ABCA7: variants seen among roughly 807,000 people sequenced by gnomAD.
ABCA7 encodes phospholipid-transporting ATPase ABCA7.
Under a neutral mutation model 227.6 loss-of-function variants are expected in ABCA7, and 261 were observed. The ratio of observed to expected loss-of-function variants is 1.15; its 90% CI spans 1.04 to 1.27. The LOEUF (loss-of-function observed/expected upper bound fraction) is 1.27. ABCA7 is among the 50% of genes most tolerant of loss of function. ABCA7 has a pLI of 0.00. For missense variants in ABCA7, 3,331 were observed against 2,924.5 expected, an observed-to-expected ratio of 1.14 and a Z score of -3.21; for synonymous variants, 1,488 against 1,279.7, an observed-to-expected ratio of 1.16 and a Z score of -3.47.
rs145274467 is a variant in ABCA7 at position 1,043,184 on chromosome 19, C to A, written c.723C>A (p.Tyr241Ter). 3.1e-6 allele frequency: 5 copies of A among 1,610,198 alleles called. No homozygotes were observed. The highest frequency in any genetic ancestry group is 2.2e-5 in the East Asian group (1 of 44,796). The part of the protein sequence containing the change: ...SSTVGPSLNW[Y>*]EASDLMELVG... The stretch of plus-strand genomic sequence containing the variant: ...CAGTGGGCCCCTCCCTCAACTGGTA[C>A]GAGGCTAGTGACCTGATGGAGCTGG... Residue 241 changes from tyrosine (Y) to a stop codon, truncating the protein, a stop_gained, in exon 8 of 47, where the codon TAC becomes TAA. Transcript: ENST00000263094. LOFTEE classifies it high-confidence loss of function.
chr19:1,063,108 C>T (rs76478790), intron 42 of ABCA7, among the ~76,000 whole-genome samples: 10,091 of 65,466 alleles, frequency 0.15, 3,167 homozygotes, highest in Admixed American at 0.2. Flanking sequence ...ACCATGGCCC[C>T]GCCGCATACT....
chr19:1,047,276 G>A lies in ABCA7; in HGVS notation c.1965G>A (p.Leu655=), dbSNP rs758014283. 1.2e-6 allele frequency: 2 copies of A among 1,606,712 alleles called. No individual in the cohort carries two copies. Among genetic ancestry groups the A allele is most frequent in the Admixed American group, 3.3e-5 (2 of 59,876 alleles). ...GCGCCTTCTTCTCCCGCGCCAACCTGGCTGCGGCCTGCGGCGGCCTGGCCT... is the reference window on the plus strand; with the variant it reads ...GCGCCTTCTTCTCCCGCGCCAACCTAGCTGCGGCCTGCGGCGGCCTGGCCT... ...LLSAFFSRAN[L]AAACGGLAYF... The change falls in exon 15 of 47, where the codon CTG becomes CTA. Residue 655 remains leucine (L), a synonymous_variant. Transcript: ENST00000263094.
chr19:1,042,094 TGTGCTGGGAGG>T lies in ABCA7; in HGVS notation c.335_345del (p.Val112GlyfsTer73). On this transcript the variant is annotated frameshift_variant, in exon 5 of 47. Coordinates refer to ENST00000263094, the MANE Select transcript of ABCA7 (RefSeq NM_019112.4). LOFTEE classifies it high-confidence loss of function. ...CCCGGCTGCTAGCCGATGCCCGCAC[TGTGCTGGGAGG>T]GGCCAGTGCCCACAGGACGCTGGCT... 1 of 1,598,032 alleles carries T rather than the reference TGTGCTGGGAGG, an allele frequency of 6.3e-7. No homozygotes were observed. The highest frequency in any genetic ancestry group is 8.5e-7 in the Non-Finnish European group (1 of 1,178,632).
At chr19:1,041,115 G>A (rs2039990594) in intron 1 of ABCA7, 110 bp from the exon 2 acceptor site, 1 of 587,958 alleles carries the variant, frequency 1.7e-6, no homozygotes, top group South Asian at 2.0e-5. Flanking sequence ...AGTCCTGGCA[G>A]CCAATCAGAT....
intron 16 of ABCA7, among the ~76,000 whole-genome samples, chr19:1,048,294 TCGAGA>T (rs1377594827): frequency 6.9e-6 from 1 of 145,164 alleles, no homozygotes; most frequent in Non-Finnish European, 1.5e-5. Flanking sequence ...GGTCGGGATT[TCGAGA>T]CCAGCCTGAC....
Position 1,042,354 on chromosome 19 carries a change from C to T in ABCA7, c.455C>T (p.Pro152Leu), listed in dbSNP as rs151054304. The change falls in exon 6 of 47, where the codon CCC becomes CTC. Residue 152 changes from proline to leucine, a missense_variant. Coordinates refer to ENST00000263094, the MANE Select transcript of ABCA7 (RefSeq NM_019112.4). ...QPTKQSPLEP[P>L]MLDVAELLTS... ...ACCAAGCAGTCTCCACTGGAACCAC[C>T]CATGCTGGATGTCGCGGAGCTGCTG... The T allele has an allele frequency of 7.4e-4, 1,183 of 1,599,772 alleles. 6 individuals are homozygous for T. In the African/African-American group the frequency reaches 0.014, roughly 19 times the overall value.
chr19:1,045,163 CG>C lies in ABCA7; in HGVS notation c.1379del (p.Gly460AlafsTer34), dbSNP rs1568253061. ...TEHPTPDLGPGHVRIKIRMDI... is the reference protein window; with the variant it reads ...TEHPTPDLGPXHVRIKIRMDI... ...AGCACCCAACCCCAGACCTGGGCCCCGGCCACGTGCGCATCAAAATCCGCAT... is the reference window on the plus strand; with the variant it reads ...AGCACCCAACCCCAGACCTGGGCCCCGCCACGTGCGCATCAAAATCCGCAT... On this transcript the variant is annotated frameshift_variant, in exon 12 of 47. Transcript: ENST00000263094. LOFTEE classifies it high-confidence loss of function. 2 of 1,611,128 alleles carry C rather than the reference CG, an allele frequency of 1.2e-6. No individual in the cohort carries two copies. Among genetic ancestry groups the C allele is most frequent in the African/African-American group, 2.7e-5 (2 of 74,984 alleles).
chr19:1,063,009 G>T (rs3859567), intron 42 of ABCA7, among the ~76,000 whole-genome samples: 12 of 37,180 alleles, frequency 3.2e-4, no homozygotes, highest in South Asian at 1.4e-3. Context: ...ACTCATGCTG[G>T]CTCCACCCAC....
rs531986736 is a variant in ABCA7, at chr19:1,055,196, C to T, written c.4050C>T (p.Pro1350=). The change falls in exon 30 of 47, where the codon CCC becomes CCT. Residue 1350 remains proline, a synonymous_variant. Coordinates refer to ENST00000263094, the MANE Select transcript of ABCA7 (RefSeq NM_019112.4). ...CCCCAGCCTGCCAGTGTAGCCGGCC[C>T]GGTGCCCGGCGCCTGCTGCCCGACT... ...SPSPACQCSR[P]GARRLLPDCP... 1.7e-4 allele frequency: 274 copies of T among 1,611,038 alleles called. No homozygotes were observed. In the South Asian group the frequency reaches 2.0e-3, roughly 12 times the overall value.
rs1260526398 is a variant in ABCA7, at chr19:1,051,067, G to T, written c.2684+15G>T. On this transcript the variant is annotated intron_variant, in intron 19 of 46. Transcript: ENST00000263094. Reference sequence around the variant, plus strand: ...CTGTTTGACATGTGCGTCTCGGCAGGCCCAGAGTGCAGCGGTGGGAAGGGA... The same window carrying T: ...CTGTTTGACATGTGCGTCTCGGCAGTCCCAGAGTGCAGCGGTGGGAAGGGA... 6.2e-7 allele frequency: 1 copy of T among 1,610,714 alleles called. No individual in the cohort carries two copies. The highest frequency in any genetic ancestry group is 1.1e-5 in the South Asian group (1 of 90,932).
chr19:1,053,714 A>C, intron 24 of ABCA7, 74 bp from the exon 25 acceptor site: 1 of 1,558,638 alleles, frequency 6.4e-7, no homozygotes, highest in Non-Finnish European at 8.7e-7. Flanking sequence ...ATGGTGTAGG[A>C]GGGGTGGGGG....
Position 1,065,071 on chromosome 19 carries a change from G to A in ABCA7, c.6185G>A (p.Gly2062Glu). The A allele has an allele frequency of 1.3e-6, 2 of 1,566,892 alleles. No individual in the cohort carries two copies. The highest frequency in any genetic ancestry group is 1.7e-6 in the Non-Finnish European group (2 of 1,157,462). Residue 2062 changes from glycine to glutamate, a missense_variant, in exon 46 of 47, where the codon GGA (glycine) becomes GAA (glutamate). Physicochemically the swap from Gly to Glu is moderately conservative, Grantham distance 98 (BLOSUM62 -2). Transcript: ENST00000263094. The part of the protein sequence containing the change: ...GGRLRFQLPP[G>E]GRCALARVFG... ...CGCCTGCGCTTCCAGCTGCCGCCGG[G>A]AGGGCGCTGCGCCCTGGCGCGCGTC...
intron 12 of ABCA7, 179 bp downstream of exon 12, chr19:1,045,410 G>A (rs887061396): frequency 1.5e-6 from 1 of 660,546 alleles, no homozygotes; most frequent in Non-Finnish European, 2.6e-6. Context: ...CGTGATGGGC[G>A]GGGCCTAGGT....
At chr19:1,050,815 T>TAAA in intron 18 of ABCA7, 106 bp from the exon 19 acceptor site, 1 of 565,524 alleles carries the variant, frequency 1.8e-6, no homozygotes, top group Non-Finnish European at 2.3e-6. Context: ...ATAATAATAA[T>TAAA]AATAAATAAT....
In ABCA7 at chr19:1,062,255, G is replaced by A. The variant is rs368864109; in HGVS notation, c.5654G>A (p.Arg1885His). 1.1e-5 allele frequency: 18 copies of A among 1,611,432 alleles called. No individual in the cohort carries two copies. Among genetic ancestry groups the A allele is most frequent in the East Asian group, 8.9e-5 (4 of 44,882 alleles). ...GCCATCTTTGAGCTGCTGACGGGCC[G>A]CGAGCACCTGGAGCTGCTTGCGCGC... is the stretch of plus-strand genomic sequence containing the variant. ...SDAIFELLTG[R>H]EHLELLARLR... is the part of the protein sequence containing the mutation. Residue 1885 changes from arginine (R) to histidine (H), a missense_variant, in exon 42 of 47, where the codon CGC becomes CAC. Transcript: ENST00000263094.
chr19:1,043,729 A>G lies in ABCA7; in HGVS notation c.935A>G (p.Asn312Ser). 1 of 1,612,382 alleles carries G rather than the reference A, an allele frequency of 6.2e-7. No homozygotes were observed. The highest frequency in any genetic ancestry group is 8.5e-7 in the Non-Finnish European group (1 of 1,179,914). Residue 312 changes from asparagine to serine, a missense_variant, in exon 10 of 47, where the codon AAC becomes AGC. Physicochemically the swap from Asn to Ser is conservative, Grantham distance 46 (BLOSUM62 1). Transcript: ENST00000263094. ...TGGAGGGGGTGCTGTCCACAGGTGAACCGGACCTTCGAGGAGCTCACCCTG... is the reference window on the plus strand; with the variant it reads ...TGGAGGGGGTGCTGTCCACAGGTGAGCCGGACCTTCGAGGAGCTCACCCTG... ...PFTRKLMAQV[N>S]RTFEELTLLR...
Position 1,053,425 on chromosome 19 carries a change from C to T in ABCA7, c.3317C>T (p.Thr1106Met), listed in dbSNP as rs746375847. The change falls in exon 24 of 47, where the codon ACG (threonine) becomes ATG (methionine). Residue 1106 changes from threonine to methionine, a missense_variant. Thr to Met is a moderately conservative substitution (Grantham distance 81). Coordinates refer to ENST00000263094, the MANE Select transcript of ABCA7 (RefSeq NM_019112.4). ...GAGCTGGTGCTGGTGCTGCCCTACACGGGTGCCCATGACGGCAGCTTCGCC... is the reference window on the plus strand; with the variant it reads ...GAGCTGGTGCTGGTGCTGCCCTACATGGGTGCCCATGACGGCAGCTTCGCC... ...PHELVLVLPY[T>M]GAHDGSFATL... 8.6e-5 allele frequency: 138 copies of T among 1,606,856 alleles called. No individual in the cohort carries two copies. The highest frequency in any genetic ancestry group is 1.2e-4 in the Admixed American group (7 of 59,488).
Position 1,047,437 on chromosome 19 carries a change from G to T in ABCA7, c.2068-16G>T, listed in dbSNP as rs762720910. 1.3e-6 allele frequency: 2 copies of T among 1,537,998 alleles called. No homozygotes were observed. The highest frequency in any genetic ancestry group is 1.7e-6 in the Non-Finnish European group (2 of 1,144,668). ...CCCCCGCTTCGGCCGCTCACTGACCGCCCGCTTTTCCGCAGAGCCTGCTGT... is the reference window on the plus strand; with the variant it reads ...CCCCCGCTTCGGCCGCTCACTGACCTCCCGCTTTTCCGCAGAGCCTGCTGT... On this transcript the variant is annotated splice_polypyrimidine_tract_variant and intron_variant, in intron 15 of 46. Transcript: ENST00000263094.
Position 1,056,108 on chromosome 19 carries a change from C to A in ABCA7, c.4281C>A (p.Pro1427=). The A allele has an allele frequency of 6.2e-7, 1 of 1,606,716 alleles. No individual in the cohort carries two copies. The highest frequency in any genetic ancestry group is 1.1e-5 in the South Asian group (1 of 90,708). The change falls in exon 32 of 47, where the codon CCC becomes CCA. Residue 1427 remains proline, a synonymous_variant. Coordinates refer to ENST00000263094, the MANE Select transcript of ABCA7 (RefSeq NM_019112.4). This position sits in a 1 kb window ranked among gnomAD's most constrained non-coding sequence, Gnocchi z 4.3. ...FSLGGRDPGL[P]SGQELGRSVE... ...TGGGGGGCCGAGACCCAGGCCTGCC[C>A]TCGGGCCAAGAGTTGGGCCGCTCAG...
Sources: gnomAD v4.1 joint callset for allele counts (sites outside exome capture counted in the v4.1 genomes callset) on GRCh38, gnomAD v4.1.1 for gene constraint, Gnocchi (gnomAD v3.1) non-coding constraint, MANE v1.5 for transcripts, NCBI Gene and HGNC (gene_info 2026-07-23, HGNC 2026-07-21) for gene names.